Variants in KCNN4 observed in about 807,000 individuals in gnomAD.
KCNN4 encodes the protein potassium calcium-activated channel subfamily N member 4.
In KCNN4, 31 loss-of-function variants were observed where a neutral mutation model predicts 45.2. The observed-to-expected ratio is 0.69, with a 90% CI of 0.52 to 0.92. The LOEUF (loss-of-function observed/expected upper bound fraction) is 0.92, where lower values mean the gene tolerates loss of function less well. Among genes scored for constraint, KCNN4 ranks in the 40% least tolerant of loss-of-function variants. KCNN4 has a pLI of 0.00. For synonymous variants in KCNN4, 231 were observed against 254.6 expected (o/e 0.91, Z 0.88); for missense variants, 463 against 574.0 (o/e 0.81, Z 1.98).
chr19:43,769,069 G>A lies in KCNN4; in HGVS notation c.1050-37C>T, dbSNP rs1308770722. 1.9e-6 allele frequency: 3 copies of A among 1,605,914 alleles called. No homozygotes were observed. Among genetic ancestry groups the A allele is most frequent in the Non-Finnish European group, 2.6e-6 (3 of 1,172,526 alleles). On this transcript the variant is annotated intron_variant, in intron 6 of 8. Coordinates refer to ENST00000648319, the MANE Select transcript of KCNN4 (RefSeq NM_002250.3). The surrounding 1 kb of genome is among the most constrained non-coding windows in gnomAD (Gnocchi z 4.4). ...AGTGGGGAGTCAGTTTTACAAGCCT[G>A]GTCCCTGAATGTAGCTGTAGCTCAG... is the stretch of plus-strand genomic sequence containing the variant.
intron 1 of KCNN4, among the ~76,000 whole-genome samples, chr19:43,777,544 G>A (rs1182579816): frequency 2.6e-5 from 4 of 152,122 alleles, no homozygotes; most frequent in Non-Finnish European, 4.4e-5. Context: ...CCCAGCCTCA[G>A]CTCTGAGACA....
Position 43,774,103 on chromosome 19 carries a change from A to G in KCNN4, c.683+89T>C, listed in dbSNP as rs1409758053. The G allele has an allele frequency of 2.2e-6, 3 of 1,345,334 alleles. No homozygotes were observed. The East Asian group carries it at 7.5e-5, about 34-fold the overall frequency. 83.3% of individuals were successfully genotyped at this position (1,345,334 alleles called of 1,614,324 possible). A position where few individuals can be genotyped will look rare whatever the true frequency, so the allele number is the denominator to read the frequency against. On this transcript the variant is annotated intron_variant, in intron 3 of 8. Coordinates refer to ENST00000648319, the MANE Select transcript of KCNN4 (RefSeq NM_002250.3). This position sits in a 1 kb window ranked among gnomAD's most constrained non-coding sequence, Gnocchi z 5.6. ...TGAACTTTCTCCACTGCTTGGTCCT[A>G]GGGGGCCTCAACCTGCACCGCGGCA... is the stretch of plus-strand genomic sequence containing the variant.
chr19:43,773,717 C>T (rs1969705479), intron 3 of KCNN4, among the ~76,000 whole-genome samples: 1 of 152,202 alleles, frequency 6.6e-6, no homozygotes, highest in East Asian at 1.9e-4. Context: ...AGTTCCAATT[C>T]CCTGCTTGGA....
At chr19:43,778,272 C>G (rs1969868372) in intron 1 of KCNN4, among the ~76,000 whole-genome samples, 1 of 151,652 alleles carries the variant, frequency 6.6e-6, no homozygotes, top group South Asian at 2.1e-4. Context: ...CGGAGTCTTG[C>G]TCTGTCACCC....
chr19:43,767,568 G>A lies in KCNN4; in HGVS notation c.1259C>T (p.Pro420Leu), dbSNP rs201950904. ...LSTALGPRQLPEPSQQSK is the reference protein window; with the variant it reads ...LSTALGPRQLLEPSQQSK ...CTACTTGGACTGCTGGCTGGGTTCT[G>A]GAAGCTGCCTCGGCCCCAGGGCAGT... is the stretch of plus-strand genomic sequence containing the variant. Residue 420 changes from proline (P) to leucine (L), a missense_variant, in exon 8 of 9, where the codon CCA becomes CTA. Transcript: ENST00000648319. The A allele has an allele frequency of 3.5e-5, 57 of 1,613,962 alleles. No homozygotes were observed. Among genetic ancestry groups the A allele is most frequent in the South Asian group, 3.3e-4 (30 of 91,060 alleles).
Position 43,769,111 on chromosome 19 carries a change from GGA to G in KCNN4, c.1050-81_1050-80del. ...GTAGCTCAGGGGAGGAATGAAGGGA[GGA>G]GAGGCACATGAAGAAACAAAACAAA... On this transcript the variant is annotated intron_variant, in intron 6 of 8. Coordinates refer to ENST00000648319, the MANE Select transcript of KCNN4 (RefSeq NM_002250.3). This position sits in a 1 kb window ranked among gnomAD's most constrained non-coding sequence, Gnocchi z 4.4. The G allele has an allele frequency of 7.0e-7, 1 of 1,429,200 alleles. No homozygotes were observed. Among genetic ancestry groups the G allele is most frequent in the Non-Finnish European group, 9.9e-7 (1 of 1,011,862 alleles). The allele number at this position is 1,429,200 out of a possible 1,614,324, so 88.5% of individuals were successfully genotyped here.
intron 7 of KCNN4, 146 bp from the exon 8 acceptor site, chr19:43,767,853 C>T: frequency 9.8e-7 from 1 of 1,018,112 alleles, no homozygotes; most frequent in Non-Finnish European, 1.4e-6. Flanking sequence ...ATGTATTGAC[C>T]ACCTACCACT....
At chr19:43,771,387 C>T (rs1969639136) in intron 4 of KCNN4, among the ~76,000 whole-genome samples, 2 of 152,126 alleles carry the variant, frequency 1.3e-5, no homozygotes, top group South Asian at 4.1e-4. Flanking sequence ...CCATGAGGAG[C>T]ATCAGCATCC....
At chr19:43,768,913 G>T in intron 7 of KCNN4, 50 bp downstream of exon 7, 1 of 1,590,064 alleles carries the variant, frequency 6.3e-7, no homozygotes, top group Non-Finnish European at 8.6e-7. Flanking sequence ...CCCTCCCTGT[G>T]GCCCCAACCT....
At chr19:43,771,531 T>C (rs1969643581) in intron 4 of KCNN4, among the ~76,000 whole-genome samples, 1 of 152,078 alleles carries the variant, frequency 6.6e-6, no homozygotes, top group Non-Finnish European at 1.5e-5. Flanking sequence ...ATAACTGGAC[T>C]CTACACCCTT....
chr19:43,768,075 CAT>C (rs1599671047), intron 7 of KCNN4, among the ~76,000 whole-genome samples: 2 of 152,204 alleles, frequency 1.3e-5, no homozygotes, highest in Non-Finnish European at 1.5e-5. Context: ...TCCAAATCCA[CAT>C]AGTCTTTTAC....
chr19:43,769,553 T>G lies in KCNN4; in HGVS notation c.938A>C (p.Glu313Ala). The change falls in exon 6 of 9, where the codon GAG becomes GCG. Residue 313 changes from glutamate to alanine, a missense_variant. Physicochemically the swap from Glu to Ala is moderately radical, Grantham distance 107. Around this residue, in one of 3 missense-constraint regions of KCNN4, gnomAD observed 109 missense variants for 183.7 expected, o/e 0.59. Transcript: ENST00000648319. This position sits in a 1 kb window ranked among gnomAD's most constrained non-coding sequence, Gnocchi z 4.4. ...TTCTTGTAGCACTCGGGCAGCGGAC[T>G]CCTTCATCTGGGGGTGGGTGGCACA... is the stretch of plus-strand genomic sequence containing the variant. ...MDIQYTKEMK[E>A]SAARVLQEAW... The G allele has an allele frequency of 6.2e-7, 1 of 1,613,918 alleles. No homozygotes were observed. The highest frequency in any genetic ancestry group is 8.5e-7 in the Non-Finnish European group (1 of 1,179,792).
chr19:43,768,398 A>G (rs1969542732), intron 7 of KCNN4, among the ~76,000 whole-genome samples: 2 of 152,222 alleles, frequency 1.3e-5, no homozygotes, highest in African/African-American at 4.8e-5. Context: ...TTGTGACATC[A>G]TTGTCCCTAA....
At chr19:43,775,516 C>T (rs1190260283) in intron 2 of KCNN4, among the ~76,000 whole-genome samples, 2 of 152,162 alleles carry the variant, frequency 1.3e-5, no homozygotes, top group East Asian at 3.9e-4. Context: ...TGGGCAATGG[C>T]GCACTGGGCT....
At chr19:43,770,167 G>A (rs1302124945) in intron 4 of KCNN4, among the ~76,000 whole-genome samples, 3 of 152,014 alleles carry the variant, frequency 2.0e-5, no homozygotes, top group South Asian at 2.1e-4. Flanking sequence ...TGTGGAGGGC[G>A]ACCATCCTTC....
At chr19:43,773,247 A>T (rs1969692599) in intron 3 of KCNN4, among the ~76,000 whole-genome samples, 1 of 152,248 alleles carries the variant, frequency 6.6e-6, no homozygotes, top group Non-Finnish European at 1.5e-5. Flanking sequence ...CAGGGAGCAG[A>T]GATTGTGCCA....
chr19:43,767,271 C>T (rs1019250062), intron 8 of KCNN4, 182 bp from the exon 9 acceptor site: 7 of 433,458 alleles, frequency 1.6e-5, no homozygotes, highest in Non-Finnish European at 3.0e-5. Flanking sequence ...GACAGCCAGA[C>T]AATGTGCCCA....
At chr19:43,768,169 G>A (rs1231904426) in intron 7 of KCNN4, among the ~76,000 whole-genome samples, 1 of 152,172 alleles carries the variant, frequency 6.6e-6, no homozygotes, top group African/African-American at 2.4e-5. Flanking sequence ...CTGTGTTTTT[G>A]GCTTGATAAC....
chr19:43,776,747 G>A, intron 1 of KCNN4, 111 bp from the exon 2 acceptor site: 1 of 701,200 alleles, frequency 1.4e-6, no homozygotes, highest in Non-Finnish European at 2.6e-6. Flanking sequence ...AATTTTCCTA[G>A]CCTCCTTCCC....
Sources: allele counts gnomAD v4.1 joint callset (sites outside exome capture counted in the v4.1 genomes callset), GRCh38; gene constraint gnomAD v4.1.1; regional missense constraint gnomAD v4.1.1; non-coding constraint Gnocchi (gnomAD v3.1); transcripts MANE v1.5; gene names NCBI Gene and HGNC (gene_info 2026-07-23, HGNC 2026-07-21).